Variants in CERK observed in about 807,000 individuals in gnomAD.
The protein encoded by CERK is acylsphingosine kinase.
In CERK, 39 loss-of-function variants were observed where a neutral mutation model predicts 63.4. The observed-to-expected ratio is 0.61, with a 90% CI of 0.48 to 0.80. The LOEUF is 0.80. Ranked by LOEUF, CERK falls within the 30% of genes least tolerant of loss-of-function variation. The probability of loss-of-function intolerance (pLI) is 0.00; values close to 1 mark genes in which losing one functional copy is unlikely to be tolerated. For missense variants in CERK, 670 were observed against 714.1 expected, an observed-to-expected ratio of 0.94 and a Z score of 0.70; for synonymous variants, 302 against 280.0, an observed-to-expected ratio of 1.08 and a Z score of -0.78.
At position 46,691,778 on chromosome 22, in the gene CERK, C is replaced by T. The variant is rs1365361270; in HGVS notation, c.1127-1G>A. 1.9e-6 allele frequency: 3 copies of T among 1,606,532 alleles called. No individual in the cohort carries two copies. The highest frequency in any genetic ancestry group is 2.6e-6 in the Non-Finnish European group (3 of 1,174,328). ...ACGACTTGCCACTCCTCCACGTCCTCTGAAGCACAAAGAACCACGGAGATG... is the reference window on the plus strand; with the variant it reads ...ACGACTTGCCACTCCTCCACGTCCTTTGAAGCACAAAGAACCACGGAGATG... On this transcript the variant is annotated splice_acceptor_variant, in intron 10 of 12. Coordinates refer to ENST00000216264, the MANE Select transcript of CERK (RefSeq NM_022766.6). LOFTEE classifies it high-confidence loss of function.
chr22:46,721,096 G>C (rs1457831368), intron 1 of CERK, 81 bp from the exon 2 acceptor site: 1 of 890,866 alleles, frequency 1.1e-6, no homozygotes, highest in African/African-American at 1.6e-5. Flanking sequence ...AAGAAGCTGA[G>C]AATATTCTGC....
chr22:46,706,113 G>C (rs533348950), intron 6 of CERK, among the ~76,000 whole-genome samples: 3 of 152,384 alleles, frequency 2.0e-5, no homozygotes, highest in African/African-American at 7.2e-5. Context: ...CTGAGTGTGT[G>C]TGAACACAGA....
chr22:46,694,689 C>T (rs2082747461), intron 9 of CERK, among the ~76,000 whole-genome samples: 1 of 152,168 alleles, frequency 6.6e-6, no homozygotes, highest in East Asian at 1.9e-4. Flanking sequence ...CTCTGCTAAC[C>T]TTAGAGTGGG....
intron 1 of CERK, among the ~76,000 whole-genome samples, chr22:46,731,488 C>T (rs866651125): frequency 3.3e-5 from 5 of 152,246 alleles, no homozygotes; most frequent in African/African-American, 9.6e-5. Flanking sequence ...GCAGTACCAG[C>T]GCCGTTCCCT....
At chr22:46,702,350 G>A (rs1341126944) in intron 6 of CERK, among the ~76,000 whole-genome samples, 3 of 150,564 alleles carry the variant, frequency 2.0e-5, no homozygotes, top group Admixed American at 6.6e-5. Flanking sequence ...GCTGGAGTGC[G>A]GTGGCGTGAT....
chr22:46,695,073 A>C (rs2082749337), intron 9 of CERK, 137 bp downstream of exon 9: 1 of 593,358 alleles, frequency 1.7e-6, no homozygotes, highest in Non-Finnish European at 3.0e-6. Flanking sequence ...CATGGGCATC[A>C]TAGGCATCGT....
intron 4 of CERK, among the ~76,000 whole-genome samples, chr22:46,711,914 C>T (rs899527832): frequency 2.0e-5 from 3 of 152,050 alleles, no homozygotes; most frequent in Non-Finnish European, 2.9e-5. Context: ...ATGGTGAAAC[C>T]CCGCCTATAC....
At chr22:46,728,741 G>A (rs1192262772) in intron 1 of CERK, among the ~76,000 whole-genome samples, 1 of 152,234 alleles carries the variant, frequency 6.6e-6, no homozygotes, top group Non-Finnish European at 1.5e-5. Flanking sequence ...GCTGGCTGGA[G>A]AGGCCAGCGT....
intron 7 of CERK, among the ~76,000 whole-genome samples, chr22:46,700,880 G>A (rs1003169556): frequency 2.0e-5 from 3 of 151,636 alleles, no homozygotes; most frequent in Non-Finnish European, 4.4e-5. Context: ...ACGTGGTGGC[G>A]CGAGCCTGTA....
chr22:46,728,134 G>A (rs2146591631), intron 1 of CERK, among the ~76,000 whole-genome samples: 1 of 152,214 alleles, frequency 6.6e-6, no homozygotes, highest in Non-Finnish European at 1.5e-5. Flanking sequence ...CAGAACTGAA[G>A]TCCATACCAG....
chr22:46,710,992 G>A (rs2146568232), intron 5 of CERK, 94 bp downstream of exon 5: 3 of 956,360 alleles, frequency 3.1e-6, no homozygotes, highest in Non-Finnish European at 5.0e-6. Flanking sequence ...GAGGCGGGGG[G>A]CGGATTTAGG....
intron 7 of CERK, among the ~76,000 whole-genome samples, chr22:46,700,156 G>C (rs2082776491): frequency 6.6e-6 from 1 of 152,190 alleles, no homozygotes; most frequent in African/African-American, 2.4e-5. Flanking sequence ...CACTTTGGGA[G>C]GCTGAGGTGG....
At chr22:46,709,914 T>G (rs930160561) in intron 5 of CERK, among the ~76,000 whole-genome samples, 7 of 152,178 alleles carry the variant, frequency 4.6e-5, no homozygotes, top group African/African-American at 1.7e-4. Context: ...AATATAAATA[T>G]GAATTGCCTA....
At chr22:46,730,967 G>GA (rs1237609368) in intron 1 of CERK, among the ~76,000 whole-genome samples, 1 of 152,154 alleles carries the variant, frequency 6.6e-6, no homozygotes, top group Non-Finnish European at 1.5e-5. Context: ...ACCTACCCCA[G>GA]AAAAAAACGG....
intron 12 of CERK, 111 bp downstream of exon 12, chr22:46,689,881 T>G: frequency 5.9e-6 from 4 of 673,910 alleles, no homozygotes; most frequent in East Asian, 2.8e-5. Context: ...ATTCTTACGT[T>G]TTGTGTTTAT....
intron 12 of CERK, among the ~76,000 whole-genome samples, chr22:46,688,395 T>C (rs947888737): frequency 6.6e-6 from 1 of 152,204 alleles, no homozygotes; most frequent in Non-Finnish European, 1.5e-5. Context: ...ATATTAAAAA[T>C]AATCCCACTT....
chr22:46,714,158 C>A lies in CERK; in HGVS notation c.380-1865G>T, dbSNP rs1252233651. 3.9e-5 allele frequency among the ~76,000 whole-genome samples: 6 copies of A among 152,252 alleles called. No homozygotes were observed. Among genetic ancestry groups the A allele is most frequent in the Non-Finnish European group, 8.8e-5 (6 of 68,054 alleles). The stretch of plus-strand genomic sequence containing the variant: ...TGGTGGCAAGCACCTGTAATTCCAG[C>A]TGCTCAGGAGGCTGAGGCAGGAGAA... On this transcript the variant is annotated intron_variant, in intron 3 of 12. Transcript: ENST00000216264. The surrounding 1 kb of genome is among the most constrained non-coding windows in gnomAD (Gnocchi z 4.4).
intron 3 of CERK, among the ~76,000 whole-genome samples, chr22:46,718,181 G>GCTACAAGGAGA (rs1417110728): frequency 6.6e-6 from 1 of 152,114 alleles, no homozygotes; most frequent in Non-Finnish European, 1.5e-5. Flanking sequence ...ACAATTTTTA[G>GCTACAAGGAGA]CTACAAGGAG....
At chr22:46,727,367 C>T (rs575875781) in intron 1 of CERK, among the ~76,000 whole-genome samples, 1 of 151,990 alleles carries the variant, frequency 6.6e-6, no homozygotes, top group Non-Finnish European at 1.5e-5. Context: ...GCAGCCTCGA[C>T]CTCCCAGGCT....
Sources: gnomAD v4.1 joint callset for allele counts (sites outside exome capture counted in the v4.1 genomes callset) on GRCh38, gnomAD v4.1.1 for gene constraint, Gnocchi (gnomAD v3.1) non-coding constraint, MANE v1.5 for transcripts, NCBI Gene and HGNC (gene_info 2026-07-23, HGNC 2026-07-21) for gene names.